Variants in DHX35 observed in about 807,000 individuals in gnomAD.
DHX35 encodes DEAH-box helicase 35.
Under a neutral mutation model 99.6 loss-of-function variants are expected in DHX35, and 84 were observed. The observed-to-expected ratio is 0.84, with a 90% CI of 0.71 to 1.01. DHX35 has a LOEUF of 1.01. Among genes scored for constraint, DHX35 ranks in the 50% least tolerant of loss-of-function variants. The probability of loss-of-function intolerance (pLI) is 0.00; values close to 1 mark genes in which losing one functional copy is unlikely to be tolerated. For missense variants in DHX35, 852 were observed against 888.5 expected, an observed-to-expected ratio of 0.96 and a Z score of 0.52; for synonymous variants, 331 against 316.2, an observed-to-expected ratio of 1.05 and a Z score of -0.50.
chr20:39,001,906 C>G (rs940970868), intron 9 of DHX35, 64 bp downstream of exon 9: 6 of 1,243,374 alleles, frequency 4.8e-6, no homozygotes, highest in African/African-American at 3.0e-5. Context: ...TGTAGAATGT[C>G]AGAACTGCAT....
chr20:39,021,754 G>A, intron 15 of DHX35, 87 bp from the exon 16 acceptor site: 3 of 1,270,082 alleles, frequency 2.4e-6, no homozygotes, highest in Non-Finnish European at 3.5e-6. Context: ...AGTCTTCAGT[G>A]TGGTGCAAGG....
At position 38,991,533 on chromosome 20, in the gene DHX35, A is replaced by T; in HGVS notation, c.512+18A>T. Reference sequence around the variant, plus strand: ...AAATATAGGTAAATGTGTTTTTCTTATGATAGCTTTCCTAGTTTCCAAAGT... The same window carrying T: ...AAATATAGGTAAATGTGTTTTTCTTTTGATAGCTTTCCTAGTTTCCAAAGT... On this transcript the variant is annotated intron_variant, in intron 6 of 21. Transcript: ENST00000252011. 1 of 1,610,408 alleles carries T rather than the reference A, an allele frequency of 6.2e-7. No individual in the cohort carries two copies. The highest frequency in any genetic ancestry group is 2.2e-5 in the East Asian group (1 of 44,734).
intron 14 of DHX35, among the ~76,000 whole-genome samples, chr20:39,016,430 A>G (rs763147520): frequency 2.0e-5 from 3 of 152,162 alleles, no homozygotes; most frequent in Non-Finnish European, 4.4e-5. Flanking sequence ...ATTTAGTATC[A>G]TGTTTCACAG....
At chr20:38,992,502 G>T in intron 7 of DHX35, 77 bp downstream of exon 7, 1 of 1,374,124 alleles carries the variant, frequency 7.3e-7, no homozygotes, top group Admixed American at 1.7e-5. Flanking sequence ...TAGCAACTTG[G>T]AAAGTACAAC....
chr20:38,988,840 G>A lies in DHX35; in HGVS notation c.373G>A (p.Gly125Ser). The A allele has an allele frequency of 6.2e-7, 1 of 1,613,764 alleles. No homozygotes were observed. Among genetic ancestry groups the A allele is most frequent in the East Asian group, 2.2e-5 (1 of 44,856 alleles). The change falls in exon 5 of 22, where the codon GGT becomes AGT. Residue 125 changes from glycine to serine, a missense_variant. Gly to Ser is a moderately conservative substitution (Grantham distance 56). Coordinates refer to ENST00000252011, the MANE Select transcript of DHX35 (RefSeq NM_021931.4). ...TVAGRVAEER[G>S]AVLGHEVGYC... ...TGCAGGGAGAGTAGCTGAAGAAAGG[G>A]GTGCAGTGCTGGGCCACGAGGTGGG...
intron 18 of DHX35, among the ~76,000 whole-genome samples, chr20:39,028,071 A>G (rs1005297645): frequency 2.0e-5 from 3 of 152,218 alleles, no homozygotes; most frequent in Non-Finnish European, 4.4e-5. Context: ...CTCTTTTACA[A>G]AGGAGTTCTG....
At chr20:39,029,348 A>G (rs557388260) in intron 19 of DHX35, 9 of 151,456 alleles carry the variant, frequency 5.9e-5, no homozygotes, top group Non-Finnish European at 1.3e-4. Context: ...GTCAGCCAAG[A>G]TATCCCTTGT....
At chr20:38,983,996 G>A (rs1435092258) in intron 4 of DHX35, among the ~76,000 whole-genome samples, 1 of 152,068 alleles carries the variant, frequency 6.6e-6, no homozygotes. Flanking sequence ...TGCAACCTCC[G>A]CCTCCTGGGT....
At chr20:39,014,342 G>C (rs1423161492) in intron 13 of DHX35, among the ~76,000 whole-genome samples, 1 of 152,166 alleles carries the variant, frequency 6.6e-6, no homozygotes, top group Admixed American at 6.5e-5. Context: ...GAACTTTAAG[G>C]TCTCTAGAGC....
At chr20:39,036,583 G>A (rs936886871) in intron 21 of DHX35, among the ~76,000 whole-genome samples, 7 of 151,668 alleles carry the variant, frequency 4.6e-5, no homozygotes, top group African/African-American at 9.7e-5. Flanking sequence ...AAAATTAGCC[G>A]GGCATGGTGG....
intron 6 of DHX35, 97 bp from the exon 7 acceptor site, chr20:38,992,259 G>T (rs900787476): frequency 1.0e-6 from 1 of 956,954 alleles, no homozygotes; most frequent in Non-Finnish European, 1.7e-6. Flanking sequence ...CAAAGTGATT[G>T]TATGAGGACT....
intron 14 of DHX35, 151 bp from the exon 15 acceptor site, chr20:39,018,653 T>A: frequency 1.4e-6 from 1 of 733,176 alleles, no homozygotes; most frequent in African/African-American, 1.8e-5. Context: ...AATGGCACTC[T>A]AGTGTCAAAT....
chr20:39,025,056 G>C (rs1395155539), intron 17 of DHX35, among the ~76,000 whole-genome samples, 174 bp from the exon 18 acceptor site: 5 of 152,180 alleles, frequency 3.3e-5, no homozygotes, highest in Non-Finnish European at 7.3e-5. Context: ...TCAGATGTGT[G>C]CAAGGTTGTT....
chr20:38,986,782 C>T (rs1165185004), intron 4 of DHX35, among the ~76,000 whole-genome samples: 8 of 152,168 alleles, frequency 5.3e-5, no homozygotes, highest in Non-Finnish European at 7.3e-5. Flanking sequence ...TTTCATAAGA[C>T]GTTTTGAAAG....
intron 20 of DHX35, 65 bp downstream of exon 20, chr20:39,030,840 T>C: frequency 3.9e-6 from 6 of 1,549,904 alleles, no homozygotes; most frequent in Non-Finnish European, 5.3e-6. Flanking sequence ...GTTTTTCTCC[T>C]GTACATGTTT....
At chr20:38,963,161 A>G (rs1430598703) in intron 1 of DHX35, among the ~76,000 whole-genome samples, 3 of 152,342 alleles carry the variant, frequency 2.0e-5, no homozygotes, top group South Asian at 2.1e-4. Flanking sequence ...CTCATTAATC[A>G]GGTTTTTACT....
Position 39,023,738 on chromosome 20 carries a change from A to G in DHX35, c.1642A>G (p.Met548Val), listed in dbSNP as rs1464750530. 6.2e-7 allele frequency: 1 copy of G among 1,613,968 alleles called. No homozygotes were observed. The highest frequency in any genetic ancestry group is 8.5e-7 in the Non-Finnish European group (1 of 1,179,976). The change falls in exon 17 of 22, where the codon ATG becomes GTG. Residue 548 changes from methionine (M) to valine (V), a missense_variant. Transcript: ENST00000252011. Reference sequence around the variant, plus strand: ...TGTGGAGGAGGGCGACCACCTCACTATGCTCAATATATATGAAGCATTTAT... The same window carrying G: ...TGTGGAGGAGGGCGACCACCTCACTGTGCTCAATATATATGAAGCATTTAT... ...FAVEEGDHLT[M>V]LNIYEAFIKH...
chr20:39,009,621 C>T (rs2086669001), intron 12 of DHX35, among the ~76,000 whole-genome samples: 1 of 152,010 alleles, frequency 6.6e-6, no homozygotes, highest in African/African-American at 2.4e-5. Context: ...CCCTTCCTGC[C>T]TAGCTTTTAT....
intron 12 of DHX35, among the ~76,000 whole-genome samples, chr20:39,009,605 T>C (rs2086668374): frequency 6.6e-6 from 1 of 151,952 alleles, no homozygotes; most frequent in African/African-American, 2.4e-5. Flanking sequence ...TCCTCTTTTT[T>C]CCCCACCCTT....
Sources: gnomAD v4.1 joint callset for allele counts (sites outside exome capture counted in the v4.1 genomes callset) on GRCh38, gnomAD v4.1.1 for gene constraint, MANE v1.5 for transcripts, NCBI Gene and HGNC (gene_info 2026-07-23, HGNC 2026-07-21) for gene names.